The following SHQ1 variants were observed in gnomAD, a reference collection of about 807,000 sequenced individuals.
SHQ1 encodes the protein SHQ1, H/ACA ribonucleoprotein assembly factor.
In SHQ1, 49 loss-of-function variants were observed where a neutral mutation model predicts 53.8. The ratio of observed to expected loss-of-function variants is 0.91; its 90% CI spans 0.72 to 1.16. SHQ1 has a LOEUF of 1.16. Ranked by LOEUF, SHQ1 falls within the 50% of genes most tolerant of loss-of-function variation. The pLI is 0.00. For missense variants in SHQ1, 738 were observed against 683.1 expected, an observed-to-expected ratio of 1.08 and a Z score of -0.90; for synonymous variants, 243 against 251.0, an observed-to-expected ratio of 0.97 and a Z score of 0.30.
chr3:72,801,947 A>T (rs1182630054), intron 9 of SHQ1, among the ~76,000 whole-genome samples: 1 of 152,218 alleles, frequency 6.6e-6, no homozygotes, highest in African/African-American at 2.4e-5. Context: ...TAAAAATGGT[A>T]ACAATCCCAA....
At chr3:72,833,570 T>TAGAC (rs1472230941) in intron 4 of SHQ1, among the ~76,000 whole-genome samples, 2 of 146,196 alleles carry the variant, frequency 1.4e-5, no homozygotes, top group South Asian at 4.2e-4. Context: ...GATAGATAGA[T>TAGAC]AGAATTTTTA....
chr3:72,790,990 G>A (rs965744260), intron 10 of SHQ1, among the ~76,000 whole-genome samples: 1 of 152,024 alleles, frequency 6.6e-6, no homozygotes, highest in Non-Finnish European at 1.5e-5. Flanking sequence ...ATAAAACCAA[G>A]AGAAAAAGTT....
chr3:72,732,413 C>T, the SHQ1 span, among the ~76,000 whole-genome samples: 2 of 144,264 alleles, frequency 1.4e-5, no homozygotes, highest in African/African-American at 5.3e-5. Context: ...TTCCTTCCTT[C>T]CTTCCTTCCT....
Position 72,779,439 on chromosome 3 carries a change from C to A in SHQ1, c.1181+13477G>T, listed in dbSNP as rs1055464458. ...AGGCGAGGTCAGCCATCTCTCGTGGCAGTATGAATCTTTTCTTTTGCACCA... is the reference window on the plus strand; with the variant it reads ...AGGCGAGGTCAGCCATCTCTCGTGGAAGTATGAATCTTTTCTTTTGCACCA... On this transcript the variant is annotated intron_variant, in intron 10 of 10. Coordinates refer to ENST00000325599, the MANE Select transcript of SHQ1 (RefSeq NM_018130.3). Among the ~76,000 whole-genome samples the A allele has an allele frequency of 3.3e-5, 5 of 152,244 alleles. No individual in the cohort carries two copies. In the East Asian group the frequency reaches 9.7e-4, roughly 29 times the overall value.
chr3:72,748,262 G>T (rs1301118791), downstream of SHQ1, among the ~76,000 whole-genome samples: 1 of 130,572 alleles, frequency 7.7e-6, no homozygotes, highest in Non-Finnish European at 1.5e-5. Context: ...ATATAAGAAT[G>T]CATATCTAGC....
intron 10 of SHQ1, among the ~76,000 whole-genome samples, chr3:72,787,976 G>C (rs530811032): frequency 2.6e-5 from 4 of 152,306 alleles, no homozygotes; most frequent in Middle Eastern, 6.8e-3. Context: ...TCAGCCTCCC[G>C]AGGTGCCGGG....
At chr3:72,821,805 A>C (rs1707488175) in intron 6 of SHQ1, among the ~76,000 whole-genome samples, 1 of 152,174 alleles carries the variant, frequency 6.6e-6, no homozygotes, top group Admixed American at 6.5e-5. Flanking sequence ...TTCTTGGTTT[A>C]TTTCTTTTCC....
rs184385638 is a variant in SHQ1, at chr3:72,844,131, C to T, written c.208+228G>A. Among the ~76,000 whole-genome samples the T allele has an allele frequency of 1.7e-3, 260 of 152,058 alleles. 1 individual carries two copies. Among genetic ancestry groups the T allele is most frequent in the African/African-American group, 5.9e-3 (246 of 41,456 alleles). On this transcript the variant is annotated intron_variant, in intron 2 of 10. Coordinates refer to ENST00000325599, the MANE Select transcript of SHQ1 (RefSeq NM_018130.3). ...GGGGAAGTACTCTAGGAAATAGAAC[C>T]GGAGCAGTTAACTTTACTTTGAAGA...
intron 7 of SHQ1, 91 bp from the exon 8 acceptor site, chr3:72,815,494 G>A: frequency 3.1e-6 from 3 of 956,956 alleles, no homozygotes; most frequent in Non-Finnish European, 5.0e-6. Context: ...ACCAGTGTCT[G>A]AGGATCACTG....
chr3:72,795,052 G>C (rs1471126174), intron 9 of SHQ1: 4 of 152,202 alleles, frequency 2.6e-5, no homozygotes, highest in African/African-American at 9.7e-5. Context: ...GCCTCATCCA[G>C]TCTATATCAC....
chr3:72,748,457 G>A (rs1052715106), downstream of SHQ1, among the ~76,000 whole-genome samples: 6 of 151,020 alleles, frequency 4.0e-5, no homozygotes, highest in Non-Finnish European at 7.4e-5. Flanking sequence ...TTGGGAGACC[G>A]AGGTGGACAG....
At chr3:72,801,664 T>C (rs1706793851) in intron 9 of SHQ1, among the ~76,000 whole-genome samples, 1 of 152,216 alleles carries the variant, frequency 6.6e-6, no homozygotes, top group African/African-American at 2.4e-5. Context: ...TCAGTGAATA[T>C]GTTTGCTTTC....
At position 72,833,489 on chromosome 3, in the gene SHQ1, GATA is replaced by G. The variant is rs1559696294; in HGVS notation, c.487-1011_487-1009del. On this transcript the variant is annotated intron_variant, in intron 4 of 10. Transcript: ENST00000325599. ...AGATAGATAGATAGATAGATAGATA[GATA>G]GATAGATAGACAGACAGACAGACAG... is the stretch of plus-strand genomic sequence containing the variant. Among the ~76,000 whole-genome samples the G allele has an allele frequency of 6.4e-3, 430 of 66,690 alleles. 2 individuals carry two copies. Among genetic ancestry groups the G allele is most frequent in the African/African-American group, 0.018 (397 of 21,868 alleles). The allele number at this position is 66,690 out of a possible 152,430, so 43.8% of individuals were successfully genotyped here.
chr3:72,779,225 T>C (rs1193575748), intron 10 of SHQ1, among the ~76,000 whole-genome samples: 4 of 152,218 alleles, frequency 2.6e-5, no homozygotes, highest in Admixed American at 2.6e-4. Context: ...TACAGCCACC[T>C]TGACCTTCTT....
intron 9 of SHQ1, among the ~76,000 whole-genome samples, chr3:72,808,864 T>C (rs1478821417): frequency 6.6e-6 from 1 of 152,190 alleles, no homozygotes; most frequent in Non-Finnish European, 1.5e-5. Context: ...AACCTCTCTA[T>C]GCTGAACTTG....
At chr3:72,742,468 AAAG>A in the SHQ1 span, among the ~76,000 whole-genome samples, 1 of 152,138 alleles carries the variant, frequency 6.6e-6, no homozygotes, top group African/African-American at 2.4e-5. Flanking sequence ...ATGTTAAGAG[AAAG>A]AAGGATATAA....
At chr3:72,775,743 G>A (rs879429647) in intron 10 of SHQ1, among the ~76,000 whole-genome samples, 3 of 151,952 alleles carry the variant, frequency 2.0e-5, no homozygotes, top group Non-Finnish European at 4.4e-5. Flanking sequence ...GAATTTGTTC[G>A]AAATTTTACA....
At position 72,749,850 on chromosome 3, in the gene SHQ1, T is replaced by C. The variant is rs201920679; in HGVS notation, c.*434A>G. ...ATTCATTGGTTGAAAAACAATGTCATAAAGTTGTCCCCGTATCTGTGGGGG... is the reference window on the plus strand; with the variant it reads ...ATTCATTGGTTGAAAAACAATGTCACAAAGTTGTCCCCGTATCTGTGGGGG... On this transcript the variant is annotated 3_prime_UTR_variant, in exon 11 of 11. Coordinates refer to ENST00000325599, the MANE Select transcript of SHQ1 (RefSeq NM_018130.3). 27 of 225,118 alleles carry C rather than the reference T, an allele frequency of 1.2e-4. No individual in the cohort carries two copies. In the East Asian group the frequency reaches 1.8e-3, roughly 15 times the overall value. 13.9% of individuals were successfully genotyped at this position (225,118 alleles called of 1,614,324 possible).
chr3:72,734,473 C>T, the SHQ1 span, among the ~76,000 whole-genome samples: 78 of 151,182 alleles, frequency 5.2e-4, 2 homozygotes, highest in African/African-American at 1.9e-3. Flanking sequence ...CCAGGCTGGT[C>T]TCTATTTCCT....
Sources: gnomAD v4.1 joint callset for allele counts (sites outside exome capture counted in the v4.1 genomes callset) on GRCh38, gnomAD v4.1.1 for gene constraint, MANE v1.5 for transcripts, NCBI Gene and HGNC (gene_info 2026-07-23, HGNC 2026-07-21) for gene names.